The following SPEF2 variants were observed in gnomAD, a reference collection of about 807,000 sequenced individuals.
The protein encoded by SPEF2 is sperm flagella and cilia-associated protein 2.
A neutral mutation model predicts 224.6 loss-of-function variants in SPEF2; 187 were observed. The observed-to-expected ratio is 0.83, with a 90% CI of 0.74 to 0.94. SPEF2 has a LOEUF of 0.94. SPEF2 is among the 40% of genes least tolerant of loss of function. The probability of loss-of-function intolerance (pLI) is 0.00; values close to 1 mark genes in which losing one functional copy is unlikely to be tolerated. For missense variants in SPEF2, 2,170 were observed against 2,135.6 expected, an observed-to-expected ratio of 1.02 and a Z score of -0.32; for synonymous variants, 715 against 707.3, an observed-to-expected ratio of 1.01 and a Z score of -0.17.
intron 21 of SPEF2, among the ~76,000 whole-genome samples, chr5:35,737,185 G>A (rs1246307913): frequency 6.6e-6 from 1 of 151,830 alleles, no homozygotes; most frequent in African/African-American, 2.4e-5. Context: ...ACTCACCACT[G>A]TTCTCTCTTC....
chr5:35,618,637 A>G (rs1743003772), intron 1 of SPEF2, among the ~76,000 whole-genome samples: 1 of 152,198 alleles, frequency 6.6e-6, no homozygotes, highest in Admixed American at 6.5e-5. Context: ...GAATATGTTA[A>G]CATTTACAAA....
chr5:35,690,951 G>T, intron 10 of SPEF2, 86 bp from the exon 11 acceptor site: 1 of 1,030,868 alleles, frequency 9.7e-7, no homozygotes. Flanking sequence ...GCTATAATTT[G>T]GATTTACTTT....
chr5:35,746,540 G>A (rs111352001), intron 23 of SPEF2, among the ~76,000 whole-genome samples: 7 of 152,242 alleles, frequency 4.6e-5, no homozygotes, highest in Admixed American at 1.3e-4. Flanking sequence ...GAAAGTCTCA[G>A]CAATAGAATT....
At chr5:35,782,328 G>A (rs1201390793) in intron 30 of SPEF2, among the ~76,000 whole-genome samples, 1 of 152,034 alleles carries the variant, frequency 6.6e-6, no homozygotes, top group Non-Finnish European at 1.5e-5. Flanking sequence ...GCTCAAACTT[G>A]CTATTATTTC....
At chr5:35,764,934 T>C (rs1451861681) in intron 26 of SPEF2, among the ~76,000 whole-genome samples, 1 of 152,172 alleles carries the variant, frequency 6.6e-6, no homozygotes, top group Non-Finnish European at 1.5e-5. Flanking sequence ...ATAAGGAAAA[T>C]GCATGAATTA....
At position 35,763,654 on chromosome 5, in the gene SPEF2, G is replaced by T; in HGVS notation, c.3753G>T (p.Lys1251Asn). The T allele has an allele frequency of 1.2e-6, 2 of 1,613,794 alleles. No homozygotes were observed. The highest frequency in any genetic ancestry group is 1.7e-6 in the Non-Finnish European group (2 of 1,179,878). Residue 1251 changes from lysine to asparagine, a missense_variant, in exon 26 of 37, where the codon AAG becomes AAT. Coordinates refer to ENST00000356031, the MANE Select transcript of SPEF2 (RefSeq NM_024867.4). Reference protein sequence around the residue: ...NVESNFEADEKLVMDTWQQAS... With the variant: ...NVESNFEADENLVMDTWQQAS... ...AGTCCAACTTTGAGGCCGATGAAAA[G>T]TTGGTCATGGACACCTGGCAGCAGG...
At chr5:35,798,711 A>T (rs767069618) in intron 33 of SPEF2, among the ~76,000 whole-genome samples, 1 of 151,916 alleles carries the variant, frequency 6.6e-6, no homozygotes, top group Non-Finnish European at 1.5e-5. Flanking sequence ...CTCCTGCCTC[A>T]GCCTCTCGAG....
At chr5:35,775,274 A>T (rs923454040) in intron 28 of SPEF2, among the ~76,000 whole-genome samples, 2 of 151,966 alleles carry the variant, frequency 1.3e-5, no homozygotes, top group Non-Finnish European at 2.9e-5. Context: ...AAAATGTGAT[A>T]TTGGTGGTGG....
At chr5:35,751,933 G>A (rs940554509) in intron 23 of SPEF2, among the ~76,000 whole-genome samples, 7 of 152,146 alleles carry the variant, frequency 4.6e-5, no homozygotes, top group Admixed American at 4.6e-4. Flanking sequence ...TGGCACCAGG[G>A]ACCAGTTTCG....
chr5:35,643,656 G>A (rs1338089128), intron 3 of SPEF2: 1 of 414,050 alleles, frequency 2.4e-6, no homozygotes, highest in Non-Finnish European at 4.8e-6. Flanking sequence ...TAGGAAAGAA[G>A]TAGAGATGCC....
chr5:35,760,739 G>T (rs1369946246), intron 25 of SPEF2, among the ~76,000 whole-genome samples: 1 of 152,166 alleles, frequency 6.6e-6, no homozygotes, highest in Non-Finnish European at 1.5e-5. Flanking sequence ...GAGAAATTCT[G>T]AACAGATAGA....
intron 8 of SPEF2, among the ~76,000 whole-genome samples, chr5:35,660,366 A>G (rs1236842180): frequency 6.6e-6 from 1 of 152,192 alleles, no homozygotes; most frequent in Non-Finnish European, 1.5e-5. Flanking sequence ...CTTATAGAAA[A>G]CAGGAGGGCA....
intron 29 of SPEF2, among the ~76,000 whole-genome samples, chr5:35,777,861 T>C (rs987914597): frequency 2.6e-5 from 4 of 152,130 alleles, no homozygotes; most frequent in African/African-American, 9.7e-5. Flanking sequence ...ATTATTCTAC[T>C]AGTCATGTTT....
intron 26 of SPEF2, among the ~76,000 whole-genome samples, chr5:35,769,734 G>C (rs1175329928): frequency 6.6e-6 from 1 of 152,158 alleles, no homozygotes; most frequent in African/African-American, 2.4e-5. Flanking sequence ...GGGGTATGCA[G>C]TGTGGCAGAA....
At chr5:35,782,947 T>C (rs1580717609) in intron 30 of SPEF2, among the ~76,000 whole-genome samples, 2 of 152,310 alleles carry the variant, frequency 1.3e-5, no homozygotes, top group Admixed American at 1.3e-4. Context: ...AATGACCTTA[T>C]ACATGATAAT....
At chr5:35,785,797 T>C (rs918070873) in intron 30 of SPEF2, among the ~76,000 whole-genome samples, 1 of 151,724 alleles carries the variant, frequency 6.6e-6, no homozygotes, top group African/African-American at 2.4e-5. Flanking sequence ...AGGCTCGTGA[T>C]CCTCCCACCT....
At chr5:35,762,490 G>A (rs57276516) in intron 25 of SPEF2, among the ~76,000 whole-genome samples, 23,540 of 152,030 alleles carry the variant, frequency 0.15, 2,279 homozygotes, top group South Asian at 0.23. Context: ...TCCTCAATAC[G>A]CTGCCTTTTT....
At position 35,778,663 on chromosome 5, in the gene SPEF2, A is replaced by G. The variant is rs144818253; in HGVS notation, c.4218-454A>G. 4.9e-3 allele frequency among the ~76,000 whole-genome samples: 748 copies of G among 152,344 alleles called. 6 individuals carry two copies. The highest frequency in any genetic ancestry group is 0.018 in the African/African-American group (732 of 41,586). On this transcript the variant is annotated intron_variant, in intron 29 of 36. Transcript: ENST00000356031. ...AGAAAAGCCACTCTTCTAGAAATAC[A>G]TTATTGAACTTGATTCACTTTATAA... is the stretch of plus-strand genomic sequence containing the variant.
At chr5:35,702,051 G>A in intron 16 of SPEF2, 1 of 403,834 alleles carries the variant, frequency 2.5e-6, no homozygotes, top group South Asian at 1.8e-5. Context: ...GTGTTTAGAA[G>A]CAGCAGCTAA....
Sources: gnomAD v4.1 joint callset for allele counts (sites outside exome capture counted in the v4.1 genomes callset) on GRCh38, gnomAD v4.1.1 for gene constraint, MANE v1.5 for transcripts, NCBI Gene and HGNC (gene_info 2026-07-23, HGNC 2026-07-21) for gene names.